ACOT1: variants seen among roughly 807,000 people sequenced by gnomAD.
ACOT1 encodes the protein acyl-coenzyme A thioesterase 1.
Under a neutral mutation model 15.7 loss-of-function variants are expected in ACOT1, and 8 were observed. The ratio of observed to expected loss-of-function variants is 0.51; its 90% CI spans 0.30 to 0.92. ACOT1 has a LOEUF of 0.92. ACOT1 is among the 40% of genes least tolerant of loss of function. ACOT1 has a pLI of 0.06. For missense variants in ACOT1, 151 were observed against 539.4 expected, an observed-to-expected ratio of 0.28 and a Z score of 7.13; for synonymous variants, 67 against 241.2, an observed-to-expected ratio of 0.28 and a Z score of 6.69.
chr14:73,517,842 A>G, the ACOT1 span, among the ~76,000 whole-genome samples: 2 of 152,224 alleles, frequency 1.3e-5, no homozygotes, highest in East Asian at 3.9e-4. Flanking sequence ...TAATCCCAGC[A>G]CTTTGGGAGG....
the ACOT1 span, among the ~76,000 whole-genome samples, chr14:73,524,310 A>AATATATAT: frequency 1.5e-3 from 83 of 54,748 alleles, 1 homozygote; most frequent in Middle Eastern, 0.013. Context: ...AAAAAAAAAA[A>AATATATAT]ATATATATAT....
At chr14:73,526,313 C>T in the ACOT1 span, among the ~76,000 whole-genome samples, 4 of 152,302 alleles carry the variant, frequency 2.6e-5, no homozygotes, top group African/African-American at 7.2e-5. Flanking sequence ...GTTCTGCCAC[C>T]AGCTGACCAA....
At chr14:73,505,408 G>GT in the ACOT1 span, among the ~76,000 whole-genome samples, 1 of 145,762 alleles carries the variant, frequency 6.9e-6, no homozygotes, top group East Asian at 2.0e-4. Context: ...TTTTTGTTTT[G>GT]TTTTTTGAGA....
chr14:73,498,852 CCTTT>C, the ACOT1 span, among the ~76,000 whole-genome samples: 2 of 152,156 alleles, frequency 1.3e-5, no homozygotes, highest in African/African-American at 2.4e-5. Flanking sequence ...TCTTGTCAGC[CCTTT>C]CTTTAACTTA....
chr14:73,509,657 G>T, the ACOT1 span, among the ~76,000 whole-genome samples: 1 of 151,100 alleles, frequency 6.6e-6, no homozygotes, highest in Non-Finnish European at 1.5e-5. Flanking sequence ...AGGTGTTAAA[G>T]CTCACCTGTG....
upstream of ACOT1, among the ~76,000 whole-genome samples, chr14:73,536,049 G>A (rs1888854410): frequency 8.6e-6 from 1 of 115,900 alleles, no homozygotes; most frequent in African/African-American, 2.8e-5. Flanking sequence ...TATACTTGAT[G>A]TGTGCCACAG....
the ACOT1 span, chr14:73,495,394 T>C: frequency 1.2e-6 from 2 of 1,609,472 alleles, no homozygotes; most frequent in Non-Finnish European, 1.7e-6. Flanking sequence ...TAATCTAAAT[T>C]AGAACAAATA....
chr14:73,528,092 A>G, the ACOT1 span, among the ~76,000 whole-genome samples: 1 of 151,660 alleles, frequency 6.6e-6, no homozygotes, highest in African/African-American at 2.4e-5. Context: ...ACCATTATCA[A>G]TTATTAGAAA....
At chr14:73,521,144 C>G in the ACOT1 span, 1 of 967,440 alleles carries the variant, frequency 1.0e-6, no homozygotes, top group Non-Finnish European at 1.6e-6. Context: ...AGCTCAGCTC[C>G]TATACACGTG....
At chr14:73,496,708 A>T in the ACOT1 span, 1 of 1,212,058 alleles carries the variant, frequency 8.3e-7, no homozygotes, top group Non-Finnish European at 1.2e-6. Context: ...TTCTTAGATT[A>T]TTCTACCCTG....
upstream of ACOT1, among the ~76,000 whole-genome samples, chr14:73,533,513 T>C (rs570661610): frequency 1.8e-5 from 2 of 114,040 alleles, no homozygotes; most frequent in Admixed American, 1.0e-4. Context: ...ACCCCATCTC[T>C]ACTAAAAATA....
At chr14:73,528,122 C>T in the ACOT1 span, among the ~76,000 whole-genome samples, 3 of 150,506 alleles carry the variant, frequency 2.0e-5, no homozygotes, top group Non-Finnish European at 3.0e-5. Flanking sequence ...AGGCTATGCG[C>T]GGTGGCTCAT....
the ACOT1 span, among the ~76,000 whole-genome samples, chr14:73,513,651 C>G: frequency 7.4e-6 from 1 of 135,018 alleles, no homozygotes; most frequent in African/African-American, 2.8e-5. Context: ...TACTTGAAAC[C>G]AGGAAGCAGA....
the ACOT1 span, chr14:73,491,214 C>T: frequency 1.3e-6 from 2 of 1,591,420 alleles, no homozygotes; most frequent in South Asian, 1.1e-5. Flanking sequence ...TCGGAGGAAT[C>T]GAGGGTGGAG....
At chr14:73,541,750 G>T (rs1186158513) in intron 2 of ACOT1, 55 bp downstream of exon 2, 3 of 1,161,498 alleles carry the variant, frequency 2.6e-6, no homozygotes, top group African/African-American at 1.7e-5. Context: ...CTTCTTAAAT[G>T]GTCTGGGTTT....
the ACOT1 span, among the ~76,000 whole-genome samples, chr14:73,507,490 G>A: frequency 1.3e-5 from 2 of 152,178 alleles, no homozygotes; most frequent in African/African-American, 4.8e-5. Context: ...CTGGAGTACA[G>A]TGGTGTGATC....
In ACOT1 at chr14:73,540,742, C is replaced by CTTT. The variant is rs200357086; in HGVS notation, c.458-734_458-732dup. 7.8e-3 allele frequency among the ~76,000 whole-genome samples: 634 copies of CTTT among 81,048 alleles called. 19 individuals carry two copies. The highest frequency in any genetic ancestry group is 0.023 in the African/African-American group (592 of 25,340). 53.2% of individuals were successfully genotyped at this position (81,048 alleles called of 152,430 possible). ...GTGTTGCCTGTAAGGTGTTTGCATT[C>CTTT]TTTTTTTTTTTTTTTTTTTGAGACA... On this transcript the variant is annotated intron_variant, in intron 1 of 2. Coordinates refer to ENST00000311148, the MANE Select transcript of ACOT1 (RefSeq NM_001037161.2).
At position 73,537,157 on chromosome 14, in the gene ACOT1, C is replaced by G. The variant is rs2014827693; in HGVS notation, c.-265C>G. The G allele has an allele frequency of 5.6e-6, 2 of 356,070 alleles. 1 individual carries two copies. The highest frequency in any genetic ancestry group is 9.4e-6 in the Non-Finnish European group (2 of 212,512). The allele number at this position is 356,070 out of a possible 1,614,324, so 22.1% of individuals were successfully genotyped here. On this transcript the variant is annotated 5_prime_UTR_variant, in exon 1 of 3. Coordinates refer to ENST00000311148, the MANE Select transcript of ACOT1 (RefSeq NM_001037161.2). ...TGGCCCAGCCCATTCCGCGAGCCAG[C>G]AAGCTTCTGAAAAGCAAACCTAGGA...
At position 73,537,565 on chromosome 14, in the gene ACOT1, C is replaced by T. The variant is rs1888904542; in HGVS notation, c.144C>T (p.Ala48=). The T allele has an allele frequency of 1.6e-6, 2 of 1,214,400 alleles. No individual in the cohort carries two copies. The highest frequency in any genetic ancestry group is 2.2e-6 in the Non-Finnish European group (2 of 925,106). 75.2% of individuals were successfully genotyped at this position (1,214,400 alleles called of 1,614,324 possible). The change falls in exon 1 of 3, where the codon GCC becomes GCT. Residue 48 remains alanine (A), a synonymous_variant. Transcript: ENST00000311148. ...LRDEKGALFQ[A]HARYRADTLG... ...ACGAGAAGGGCGCGCTTTTCCAGGC[C>T]CACGCGCGCTACCGCGCCGACACCC...
Sources: allele counts gnomAD v4.1 joint callset (sites outside exome capture counted in the v4.1 genomes callset), GRCh38; gene constraint gnomAD v4.1.1; transcripts MANE v1.5; gene names NCBI Gene and HGNC (gene_info 2026-07-23, HGNC 2026-07-21).